Variants in FUT8 observed in about 807,000 individuals in gnomAD.
FUT8 encodes the protein alpha-(1,6)-fucosyltransferase.
FUT8 carries 29 observed loss-of-function variants against 71.3 expected under a neutral mutation model. The ratio of observed to expected loss-of-function variants is 0.41; its 90% CI spans 0.30 to 0.55. The LOEUF (loss-of-function observed/expected upper bound fraction) is 0.55, where lower values mean the gene tolerates loss of function less well. Ranked by LOEUF, FUT8 falls within the 20% of genes least tolerant of loss-of-function variation. The pLI, the probability that FUT8 is intolerant of heterozygous loss-of-function variation, is 0.34. For synonymous variants in FUT8, 254 were observed against 239.3 expected, an observed-to-expected ratio of 1.06 and a Z score of -0.57; for missense variants, 544 against 702.1, an observed-to-expected ratio of 0.77 and a Z score of 2.55.
chr14:65,686,621 A>G (rs967925141), intron 7 of FUT8, among the ~76,000 whole-genome samples: 12 of 152,222 alleles, frequency 7.9e-5, no homozygotes, highest in African/African-American at 1.9e-4. Context: ...TTTGTCAAAG[A>G]ATTGAAAATG....
chr14:65,650,298 CAAAAAAAAAAAA>C (rs869168766), intron 6 of FUT8, among the ~76,000 whole-genome samples: 10 of 39,696 alleles, frequency 2.5e-4, no homozygotes, highest in African/African-American at 6.4e-4. Flanking sequence ...GACTCTGTCT[CAAAAAAAAAAAA>C]AAAAAAAAAA....
At chr14:65,639,688 A>G (rs1032846756) in intron 6 of FUT8, among the ~76,000 whole-genome samples, 3 of 152,080 alleles carry the variant, frequency 2.0e-5, no homozygotes, top group Non-Finnish European at 2.9e-5. Context: ...TATTATGGAA[A>G]ACTTTAACAT....
intron 1 of FUT8, among the ~76,000 whole-genome samples, chr14:65,414,013 TATATAG>T: frequency 6.6e-6 from 1 of 152,286 alleles, no homozygotes; most frequent in East Asian, 1.9e-4. Flanking sequence ...TGCCATATAA[TATATAG>T]ATTGAGGCCT....
intron 7 of FUT8, among the ~76,000 whole-genome samples, chr14:65,712,259 TATC>T (rs1444718152): frequency 6.6e-6 from 1 of 152,236 alleles, no homozygotes; most frequent in African/African-American, 2.4e-5. Flanking sequence ...GGATTATACT[TATC>T]ATTGGATTAT....
chr14:65,689,409 T>C (rs1419951262), intron 7 of FUT8, among the ~76,000 whole-genome samples: 1 of 152,260 alleles, frequency 6.6e-6, no homozygotes, highest in Admixed American at 6.5e-5. Flanking sequence ...AGAGTTCTTA[T>C]ATATTTTGGT....
intron 2 of FUT8, among the ~76,000 whole-genome samples, chr14:65,532,859 C>T (rs749884878): frequency 2.9e-4 from 44 of 152,178 alleles, no homozygotes; most frequent in Admixed American, 5.9e-4. Flanking sequence ...TACGGCTAGC[C>T]GGTTATCCCA....
At chr14:65,724,474 C>T (rs1895580560) in intron 9 of FUT8, 151 bp downstream of exon 9, 2 of 555,136 alleles carry the variant, frequency 3.6e-6, no homozygotes, top group South Asian at 5.7e-5. Context: ...GTGTAACTGT[C>T]AGTCTAATCA....
intron 1 of FUT8, among the ~76,000 whole-genome samples, chr14:65,453,996 T>C (rs1406712111): frequency 6.6e-6 from 1 of 152,138 alleles, no homozygotes; most frequent in African/African-American, 2.4e-5. Flanking sequence ...TCATAGGCCT[T>C]ATCTAGTTTG....
rs190162276 is a variant in FUT8 at position 65,480,998 on chromosome 14, C to A, written c.-228+25280C>A. On this transcript the variant is annotated intron_variant, in intron 2 of 10. Coordinates refer to ENST00000673929, the MANE Select transcript of FUT8 (RefSeq NM_001371533.1). Reference sequence around the variant, plus strand: ...ACCATCGTTTTCAGCCTCTTTAATTCTTTTTTCAATTTTTTGAGGAGACAT... The same window carrying A: ...ACCATCGTTTTCAGCCTCTTTAATTATTTTTTCAATTTTTTGAGGAGACAT... Among the ~76,000 whole-genome samples the A allele has an allele frequency of 1.1e-3, 168 of 152,148 alleles. 2 individuals carry two copies. The highest frequency in any genetic ancestry group is 0.011 in the Admixed American group (166 of 15,272).
intron 3 of FUT8, among the ~76,000 whole-genome samples, chr14:65,611,193 ACACACGCGCGCGCGCGCGCGCGCG>A (rs1428515231): frequency 5.8e-4 from 2 of 3,422 alleles, no homozygotes; most frequent in African/African-American, 1.7e-3. Flanking sequence ...ATACACACAC[ACACACGCGCGCGCGCGCGCGCGCG>A]CGCGCGCACA....
At chr14:65,393,170 A>G in the FUT8 span, among the ~76,000 whole-genome samples, 8 of 152,204 alleles carry the variant, frequency 5.3e-5, no homozygotes, top group East Asian at 5.8e-4. Flanking sequence ...CCAGGGTGGA[A>G]GAACAGGTGT....
chr14:65,431,299 CTTTTTTT>C (rs138985726), intron 1 of FUT8, among the ~76,000 whole-genome samples: 4 of 98,830 alleles, frequency 4.0e-5, no homozygotes, highest in African/African-American at 1.6e-4. Context: ...CTGCGCCGGC[CTTTTTTT>C]TTTTTTTTTT....
chr14:65,358,802 G>T, the FUT8 span, among the ~76,000 whole-genome samples: 4 of 152,076 alleles, frequency 2.6e-5, no homozygotes, highest in African/African-American at 7.2e-5. Context: ...TTTGTTTTCT[G>T]CTGTTATTTG....
chr14:65,694,220 G>A (rs913640944), intron 7 of FUT8, among the ~76,000 whole-genome samples: 3 of 151,990 alleles, frequency 2.0e-5, no homozygotes, highest in African/African-American at 7.2e-5. Context: ...GATTTAATTT[G>A]TGCTTTTTTC....
intron 2 of FUT8, among the ~76,000 whole-genome samples, chr14:65,504,977 A>G (rs577473088): frequency 3.9e-5 from 6 of 152,160 alleles, no homozygotes; most frequent in Non-Finnish European, 7.3e-5. Context: ...ACCCCAACAC[A>G]CTGTATTAAT....
At chr14:65,566,288 C>T (rs918172273) in intron 3 of FUT8, among the ~76,000 whole-genome samples, 4 of 151,976 alleles carry the variant, frequency 2.6e-5, no homozygotes, top group African/African-American at 9.7e-5. Flanking sequence ...AACACAGTGT[C>T]AATTCTGCCA....
At chr14:65,471,552 C>T (rs948548552) in intron 2 of FUT8, among the ~76,000 whole-genome samples, 4 of 152,018 alleles carry the variant, frequency 2.6e-5, no homozygotes, top group African/African-American at 9.7e-5. Flanking sequence ...AACTCTCAAG[C>T]TAGTCCACAA....
intron 2 of FUT8, among the ~76,000 whole-genome samples, chr14:65,474,624 T>C (rs2066206976): frequency 6.6e-6 from 1 of 151,840 alleles, no homozygotes; most frequent in Non-Finnish European, 1.5e-5. Context: ...AAAAAAGATC[T>C]TCTGTTGTAC....
At chr14:65,605,825 A>G (rs535220439) in intron 3 of FUT8, among the ~76,000 whole-genome samples, 4 of 151,964 alleles carry the variant, frequency 2.6e-5, no homozygotes, top group South Asian at 2.1e-4. Context: ...CTCTGTTTCA[A>G]TTTAAATATC....
Sources: allele counts gnomAD v4.1 joint callset (sites outside exome capture counted in the v4.1 genomes callset), GRCh38; gene constraint gnomAD v4.1.1; transcripts MANE v1.5; gene names NCBI Gene and HGNC (gene_info 2026-07-23, HGNC 2026-07-21).